The following DRC9 variants were observed in gnomAD, a reference collection of about 807,000 sequenced individuals.
The protein encoded by DRC9 is dynein regulatory complex subunit 9, also known as dynein regulatory complex protein 9.
the DRC9 span, chr3:197,944,154 A>G: frequency 5.0e-6 from 5 of 995,988 alleles, no homozygotes; most frequent in Non-Finnish European, 7.5e-6. Context: ...TGATATTCAC[A>G]TCGTCGTATA....
At chr3:197,916,117 T>G in the DRC9 span, 1 of 152,148 alleles carries the variant, frequency 6.6e-6, no homozygotes, top group African/African-American at 2.4e-5. Flanking sequence ...GTACTACAGG[T>G]GCATGTCACC....
chr3:197,902,391 T>A, the DRC9 span, among the ~76,000 whole-genome samples: 2 of 152,066 alleles, frequency 1.3e-5, no homozygotes, highest in African/African-American at 4.8e-5. Context: ...CAGGGACTAA[T>A]CGTGGAGAAA....
At chr3:197,937,318 G>A in the DRC9 span, among the ~76,000 whole-genome samples, 2 of 152,208 alleles carry the variant, frequency 1.3e-5, no homozygotes, top group South Asian at 2.1e-4. Flanking sequence ...ACACAGTTTG[G>A]AATTTGGCTA....
the DRC9 span, among the ~76,000 whole-genome samples, chr3:197,907,043 T>C: frequency 6.6e-6 from 1 of 152,172 alleles, no homozygotes; most frequent in South Asian, 2.1e-4. Context: ...ACCTTATCTC[T>C]GACAATTAAG....
At chr3:197,900,496 T>C in the DRC9 span, among the ~76,000 whole-genome samples, 1 of 150,236 alleles carries the variant, frequency 6.7e-6, no homozygotes, top group African/African-American at 2.5e-5. This position sits in a 1 kb window ranked among gnomAD's most constrained non-coding sequence, Gnocchi z 4.7. Context: ...GGGCAGAGGA[T>C]AGCAGCTCAG....
At chr3:197,921,790 C>T in the DRC9 span, among the ~76,000 whole-genome samples, 18 of 138,078 alleles carry the variant, frequency 1.3e-4, 1 homozygote, top group African/African-American at 4.9e-4. Context: ...TCATCTTGGT[C>T]GACCCGACTA....
chr3:197,940,614 C>G, the DRC9 span, among the ~76,000 whole-genome samples: 16 of 152,218 alleles, frequency 1.1e-4, no homozygotes, highest in South Asian at 3.3e-3. Context: ...GGATGTCAAG[C>G]CTTTGGGAAA....
chr3:197,891,829 G>A, the DRC9 span, among the ~76,000 whole-genome samples: 1 of 152,122 alleles, frequency 6.6e-6, no homozygotes, highest in Non-Finnish European at 1.5e-5. Flanking sequence ...AAAATAATAT[G>A]GATTGTTTTT....
chr3:197,910,565 C>G, the DRC9 span, among the ~76,000 whole-genome samples: 1 of 152,182 alleles, frequency 6.6e-6, no homozygotes, highest in Non-Finnish European at 1.5e-5. Flanking sequence ...ACAAATTCTC[C>G]TCTTTAACCA....
the DRC9 span, chr3:197,894,499 T>C: frequency 6.6e-6 from 1 of 152,176 alleles, no homozygotes; most frequent in Non-Finnish European, 1.5e-5. Context: ...GTTAACATTT[T>C]AAGAGTTGTG....
the DRC9 span, among the ~76,000 whole-genome samples, chr3:197,908,587 A>G: frequency 6.7e-6 from 1 of 149,208 alleles, no homozygotes; most frequent in South Asian, 2.1e-4. Context: ...AAGAGCAAGC[A>G]ACCCTTTCCA....
chr3:197,941,207 T>C, the DRC9 span, among the ~76,000 whole-genome samples: 6 of 138,438 alleles, frequency 4.3e-5, no homozygotes, highest in African/African-American at 1.6e-4. Flanking sequence ...TCTCTTTCTT[T>C]CCCTTCCTTC....
At chr3:197,935,251 G>C in the DRC9 span, among the ~76,000 whole-genome samples, 3 of 152,026 alleles carry the variant, frequency 2.0e-5, no homozygotes, top group Non-Finnish European at 4.4e-5. Flanking sequence ...GATCAGCCTG[G>C]CTAACATGGT....
the DRC9 span, chr3:197,950,111 G>A: frequency 8.1e-7 from 1 of 1,231,408 alleles, no homozygotes; most frequent in Non-Finnish European, 1.0e-6. Flanking sequence ...TGTTTTTCTG[G>A]CGTTTGGAGA....
chr3:197,908,200 C>T, the DRC9 span, among the ~76,000 whole-genome samples: 4 of 143,458 alleles, frequency 2.8e-5, no homozygotes, highest in African/African-American at 1.0e-4. Context: ...TTCCAAGGCA[C>T]CCTCCCAGAT....
At chr3:197,950,151 GA>G in the DRC9 span, 351 of 1,231,828 alleles carry the variant, frequency 2.8e-4, 2 homozygotes, top group East Asian at 0.01. Context: ...GGAGTCGAAA[GA>G]TGTTTAATCC....
At chr3:197,891,361 G>C in the DRC9 span, 1 of 740,916 alleles carries the variant, frequency 1.3e-6, no homozygotes, top group Non-Finnish European at 2.4e-6. Context: ...GATATACTGA[G>C]ATGTGTTTGA....
At chr3:197,951,374 A>G in the DRC9 span, 23 of 1,559,236 alleles carry the variant, frequency 1.5e-5, no homozygotes, top group Admixed American at 3.7e-4. Context: ...TTTTTTATAT[A>G]ACGGAGTCTT....
the DRC9 span, among the ~76,000 whole-genome samples, chr3:197,910,251 G>C: frequency 6.6e-6 from 1 of 152,104 alleles, no homozygotes; most frequent in Non-Finnish European, 1.5e-5. Flanking sequence ...AGTGAGCTAT[G>C]GTGGCACCAC....
Sources: allele counts gnomAD v4.1 joint callset (sites outside exome capture counted in the v4.1 genomes callset), GRCh38; gene constraint gnomAD v4.1.1; non-coding constraint Gnocchi (gnomAD v3.1); transcripts MANE v1.5; gene names NCBI Gene and HGNC (gene_info 2026-07-23, HGNC 2026-07-21).